Variants in B3GALT1 observed in about 807,000 individuals in gnomAD.
B3GALT1 encodes UDP-Gal:betaGlcNAc beta 1,3-galactosyltransferase, polypeptide 1.
B3GALT1 carries 10 observed loss-of-function variants against 23.2 expected under a neutral mutation model. The ratio of observed to expected loss-of-function variants is 0.43; its 90% CI spans 0.27 to 0.73. B3GALT1 has a LOEUF of 0.73. Among genes scored for constraint, B3GALT1 ranks in the 30% least tolerant of loss-of-function variants. The pLI is 0.21. For synonymous variants in B3GALT1, 156 were observed against 141.5 expected, an observed-to-expected ratio of 1.10 and a Z score of -0.73; for missense variants, 299 against 405.4, an observed-to-expected ratio of 0.74 and a Z score of 2.25.
intron 2 of B3GALT1, among the ~76,000 whole-genome samples, chr2:167,532,987 G>A (rs1028329732): frequency 1.3e-5 from 2 of 150,924 alleles, no homozygotes; most frequent in African/African-American, 4.9e-5. Context: ...TCAGCCTCCA[G>A]AATAGCTGAG....
At chr2:167,450,515 A>G (rs1699072152) in intron 1 of B3GALT1, among the ~76,000 whole-genome samples, 1 of 152,178 alleles carries the variant, frequency 6.6e-6, no homozygotes. Flanking sequence ...GAGCCTGAAG[A>G]TAGGGCCCCA....
intron 3 of B3GALT1, among the ~76,000 whole-genome samples, chr2:167,696,941 G>C (rs1262637635): frequency 6.6e-6 from 1 of 152,072 alleles, no homozygotes; most frequent in Non-Finnish European, 1.5e-5. Context: ...AACACATTGG[G>C]TTATTGTGAG....
At chr2:167,405,314 TA>T (rs1298513965) in intron 1 of B3GALT1, among the ~76,000 whole-genome samples, 1 of 152,154 alleles carries the variant, frequency 6.6e-6, no homozygotes, top group Non-Finnish European at 1.5e-5. Context: ...TATGTTTTAA[TA>T]ATACTTTTAA....
Position 167,872,063 on chromosome 2 carries a change from G to A in B3GALT1, c.*2043G>A, listed in dbSNP as rs1425674192. ...ACTACAGGCGCCCGCCATCACGCCCGGCTAATTTTTTTGTATTTTTAGTAG... is the reference window on the plus strand; with the variant it reads ...ACTACAGGCGCCCGCCATCACGCCCAGCTAATTTTTTTGTATTTTTAGTAG... On this transcript the variant is annotated 3_prime_UTR_variant, in exon 5 of 5. Transcript: ENST00000392690. The A allele has an allele frequency of 2.0e-5, 3 of 151,078 alleles. No homozygotes were observed. The highest frequency in any genetic ancestry group is 1.9e-4 in the East Asian group (1 of 5,130). 9.4% of individuals were successfully genotyped at this position (151,078 alleles called of 1,614,324 possible).
chr2:167,726,791 CT>C (rs1473249476), intron 3 of B3GALT1, among the ~76,000 whole-genome samples: 3 of 152,256 alleles, frequency 2.0e-5, no homozygotes, highest in Non-Finnish European at 4.4e-5. Flanking sequence ...TGCTTTCTGC[CT>C]TGCAGAATAG....
chr2:167,338,528 G>T (rs2105245575), intron 1 of B3GALT1, among the ~76,000 whole-genome samples: 1 of 152,128 alleles, frequency 6.6e-6, no homozygotes, highest in Non-Finnish European at 1.5e-5. Flanking sequence ...CTTAGTAGAT[G>T]ATATAAATGG....
intron 2 of B3GALT1, among the ~76,000 whole-genome samples, chr2:167,553,638 G>A (rs1237279949): frequency 6.6e-6 from 1 of 152,104 alleles, no homozygotes; most frequent in Admixed American, 6.5e-5. Context: ...TGGTCAGCTG[G>A]ACCATATAGG....
At chr2:167,337,645 T>C (rs1036692980) in intron 1 of B3GALT1, among the ~76,000 whole-genome samples, 2 of 152,084 alleles carry the variant, frequency 1.3e-5, no homozygotes, top group Non-Finnish European at 2.9e-5. Flanking sequence ...CCTTGAGCAG[T>C]TTCTTTTTTC....
At chr2:167,415,379 C>G (rs1205053973) in intron 1 of B3GALT1, among the ~76,000 whole-genome samples, 1 of 152,158 alleles carries the variant, frequency 6.6e-6, no homozygotes, top group Non-Finnish European at 1.5e-5. Flanking sequence ...GGCCCCTTGA[C>G]CTTGTACTTC....
chr2:167,566,826 G>T (rs1684180912), intron 2 of B3GALT1, among the ~76,000 whole-genome samples: 1 of 152,080 alleles, frequency 6.6e-6, no homozygotes, highest in Non-Finnish European at 1.5e-5. Context: ...GTGCCCTCTG[G>T]GGGTAGGAGG....
chr2:167,831,602 A>AAGGAG (rs1319525893), intron 4 of B3GALT1, among the ~76,000 whole-genome samples: 1 of 152,196 alleles, frequency 6.6e-6, no homozygotes, highest in East Asian at 1.9e-4. Flanking sequence ...AGAATGTGGA[A>AAGGAG]AGGAGATATG....
At chr2:167,486,827 A>C (rs1302238086) in intron 1 of B3GALT1, among the ~76,000 whole-genome samples, 1 of 152,068 alleles carries the variant, frequency 6.6e-6, no homozygotes, top group Admixed American at 6.6e-5. Context: ...GAAAGCAAAA[A>C]TATTGAAGTG....
At chr2:167,454,939 G>T (rs1356981285) in intron 1 of B3GALT1, among the ~76,000 whole-genome samples, 1 of 152,166 alleles carries the variant, frequency 6.6e-6, no homozygotes, top group Non-Finnish European at 1.5e-5. Flanking sequence ...GGGACCTGCT[G>T]GTTGTGCATT....
At chr2:167,496,277 C>T (rs1699782025) in intron 2 of B3GALT1, among the ~76,000 whole-genome samples, 1 of 152,132 alleles carries the variant, frequency 6.6e-6, no homozygotes, top group Non-Finnish European at 1.5e-5. Context: ...GGTAGTCATA[C>T]TGAGCAGGGC....
rs1558941434 is a variant in B3GALT1, at chr2:167,664,511, A to G, written c.-352+17545A>G. 6.6e-5 allele frequency among the ~76,000 whole-genome samples: 10 copies of G among 152,300 alleles called. No homozygotes were observed. In the South Asian group the frequency reaches 2.1e-3, roughly 32 times the overall value. On this transcript the variant is annotated intron_variant, in intron 3 of 4. Transcript: ENST00000392690. ...CAATTCTGTGAAGAAAGTCATTGGT[A>G]GCTTGATGGGGATGGCATTGAATCT...
At chr2:167,656,714 T>C (rs1225684211) in intron 3 of B3GALT1, among the ~76,000 whole-genome samples, 1 of 152,176 alleles carries the variant, frequency 6.6e-6, no homozygotes, top group Non-Finnish European at 1.5e-5. Context: ...AGCTTATTGT[T>C]GGTGAAGCAA....
chr2:167,746,956 G>C (rs1687662157), intron 3 of B3GALT1, among the ~76,000 whole-genome samples: 1 of 152,158 alleles, frequency 6.6e-6, no homozygotes, highest in Non-Finnish European at 1.5e-5. Context: ...AGATTAAAGA[G>C]ATAATTCTTT....
At chr2:167,324,003 A>G (rs542219671) in intron 1 of B3GALT1, among the ~76,000 whole-genome samples, 96 of 152,100 alleles carry the variant, frequency 6.3e-4, no homozygotes, top group African/African-American at 2.2e-3. Context: ...TGGGAGCTTC[A>G]TGGAAGCAAT....
At chr2:167,582,095 C>T (rs986696) in intron 2 of B3GALT1, among the ~76,000 whole-genome samples, 48,191 of 151,966 alleles carry the variant, frequency 0.32, 10,254 homozygotes, top group African/African-American at 0.57. Flanking sequence ...TGTTTTTTGG[C>T]CCATCTCCCA....
Sources: gnomAD v4.1 joint callset for allele counts (sites outside exome capture counted in the v4.1 genomes callset) on GRCh38, gnomAD v4.1.1 for gene constraint, MANE v1.5 for transcripts, NCBI Gene and HGNC (gene_info 2026-07-23, HGNC 2026-07-21) for gene names.